Variants in UNC13C observed in about 807,000 individuals in gnomAD.
The protein encoded by UNC13C is protein unc-13 homolog C.
In UNC13C, 174 loss-of-function variants were observed where a neutral mutation model predicts 245.4. The ratio of observed to expected loss-of-function variants is 0.71; its 90% CI spans 0.63 to 0.80. The LOEUF is 0.80. UNC13C is among the 30% of genes least tolerant of loss of function. The pLI is 0.00. For synonymous variants in UNC13C, 992 were observed against 895.1 expected (o/e 1.11, Z -1.93); for missense variants, 2,829 against 2,602.9 (o/e 1.09, Z -1.89).
intron 10 of UNC13C, among the ~76,000 whole-genome samples, chr15:54,277,343 A>G (rs1274777582): frequency 6.6e-6 from 1 of 152,210 alleles, no homozygotes; most frequent in African/African-American, 2.4e-5. Flanking sequence ...TAGTTAAAGC[A>G]CTAAAATAAG....
At chr15:54,568,176 T>C (rs992954467) in intron 30 of UNC13C, among the ~76,000 whole-genome samples, 1 of 152,078 alleles carries the variant, frequency 6.6e-6, no homozygotes, top group Non-Finnish European at 1.5e-5. Flanking sequence ...TAAAGCTCTA[T>C]GGAATGGCTG....
chr15:54,068,739 T>G (rs1470958047), intron 2 of UNC13C, among the ~76,000 whole-genome samples: 1 of 152,202 alleles, frequency 6.6e-6, no homozygotes, highest in Admixed American at 6.5e-5. Context: ...ATACCATGGA[T>G]GAACACATAG....
At chr15:54,160,125 C>G (rs968918096) in intron 4 of UNC13C, among the ~76,000 whole-genome samples, 1 of 151,866 alleles carries the variant, frequency 6.6e-6, no homozygotes, top group East Asian at 1.9e-4. Flanking sequence ...CAAAAAAGGA[C>G]ATAGAAGCTA....
the UNC13C span, among the ~76,000 whole-genome samples, chr15:53,852,683 A>G: frequency 6.6e-6 from 1 of 152,164 alleles, no homozygotes. Context: ...AACAATTACA[A>G]AGTTTACCAT....
chr15:54,014,777 T>C lies in UNC13C; in HGVS notation c.1874T>C (p.Val625Ala). The C allele has an allele frequency of 6.2e-7, 1 of 1,613,696 alleles. No individual in the cohort carries two copies. ...ACTGAAACTGAAAACACAGAAACTGTGGATAGTGGAATGAGTAATGGCATG... is the reference window on the plus strand; with the variant it reads ...ACTGAAACTGAAAACACAGAAACTGCGGATAGTGGAATGAGTAATGGCATG... Reference protein sequence around the residue: ...GQTETENTETVDSGMSNGMVC... With the variant: ...GQTETENTETADSGMSNGMVC... The change falls in exon 2 of 33, where the codon GTG (valine) becomes GCG (alanine). Residue 625 changes from valine (V) to alanine (A), a missense_variant. Val to Ala is a moderately conservative substitution (Grantham distance 64, BLOSUM62 0). Coordinates refer to ENST00000260323, the MANE Select transcript of UNC13C (RefSeq NM_001080534.3).
chr15:54,209,458 G>A (rs1157108701), intron 4 of UNC13C, among the ~76,000 whole-genome samples: 1 of 151,770 alleles, frequency 6.6e-6, no homozygotes, highest in Non-Finnish European at 1.5e-5. Flanking sequence ...GTCACTCAGG[G>A]CTGGAGTACA....
intron 1 of UNC13C, among the ~76,000 whole-genome samples, chr15:53,997,299 A>C (rs1295575236): frequency 6.6e-6 from 1 of 152,110 alleles, no homozygotes; most frequent in Non-Finnish European, 1.5e-5. Context: ...GTGTGTGTGC[A>C]TGCATGTGAG....
intron 18 of UNC13C, among the ~76,000 whole-genome samples, chr15:54,401,620 G>A (rs2040186527): frequency 6.6e-6 from 1 of 152,166 alleles, no homozygotes; most frequent in South Asian, 2.1e-4. Context: ...CGCGTCGAGA[G>A]AGAAGAAGGT....
At chr15:54,137,756 T>C (rs1164584357) in intron 2 of UNC13C, among the ~76,000 whole-genome samples, 2 of 152,158 alleles carry the variant, frequency 1.3e-5, no homozygotes, top group Non-Finnish European at 2.9e-5. Flanking sequence ...ATTTTGTTTA[T>C]ATTTTCAAAA....
intron 30 of UNC13C, among the ~76,000 whole-genome samples, chr15:54,617,363 G>T (rs1357880463): frequency 6.6e-6 from 1 of 151,988 alleles, no homozygotes; most frequent in African/African-American, 2.4e-5. Context: ...AAAAGTGGAG[G>T]GGCAGGGAGG....
upstream of UNC13C, among the ~76,000 whole-genome samples, chr15:53,976,554 C>A (rs898375750): frequency 7.2e-6 from 1 of 139,590 alleles, no homozygotes; most frequent in Non-Finnish European, 1.5e-5. Flanking sequence ...TCACTACAAC[C>A]TCCGCCTTCC....
At chr15:54,491,190 T>G (rs892235633) in intron 19 of UNC13C, among the ~76,000 whole-genome samples, 4 of 152,244 alleles carry the variant, frequency 2.6e-5, no homozygotes, top group Non-Finnish European at 4.4e-5. Context: ...ATTCTCTTCA[T>G]GTACAAATGC....
chr15:54,031,947 G>A (rs1048534227), intron 2 of UNC13C, among the ~76,000 whole-genome samples: 14 of 151,900 alleles, frequency 9.2e-5, no homozygotes, highest in African/African-American at 3.1e-4. Context: ...TTTTCCACAG[G>A]GCTTGATCTT....
chr15:54,452,902 A>G (rs1891258726), intron 19 of UNC13C, among the ~76,000 whole-genome samples: 1 of 152,146 alleles, frequency 6.6e-6, no homozygotes, highest in Non-Finnish European at 1.5e-5. Context: ...AGTGGCTCAC[A>G]TTTAGCCCAG....
chr15:54,256,933 G>T (rs369412313), intron 8 of UNC13C, among the ~76,000 whole-genome samples: 9 of 152,224 alleles, frequency 5.9e-5, no homozygotes, highest in East Asian at 5.8e-4. Flanking sequence ...ACTGTTGCAG[G>T]GTGACCACGT....
intron 1 of UNC13C, among the ~76,000 whole-genome samples, chr15:54,010,188 TG>T (rs1895319223): frequency 6.6e-6 from 1 of 152,214 alleles, no homozygotes; most frequent in Non-Finnish European, 1.5e-5. Context: ...TTCATTTACA[TG>T]ATCACCTATC....
intron 2 of UNC13C, among the ~76,000 whole-genome samples, chr15:54,074,595 C>G (rs537734195): frequency 6.6e-6 from 1 of 152,308 alleles, no homozygotes; most frequent in African/African-American, 2.4e-5. Context: ...AGGTCTTTCA[C>G]ATCCCTTGTA....
At chr15:54,285,659 C>A (rs1025923573) in intron 10 of UNC13C, among the ~76,000 whole-genome samples, 3 of 152,006 alleles carry the variant, frequency 2.0e-5, no homozygotes, top group African/African-American at 7.3e-5. Context: ...GCCTTCCAGG[C>A]CGAGCTAGAA....
At chr15:54,313,011 A>G (rs1025079760) in intron 13 of UNC13C, among the ~76,000 whole-genome samples, 1 of 151,688 alleles carries the variant, frequency 6.6e-6, no homozygotes, top group African/African-American at 2.4e-5. Context: ...GGAAGTTTCC[A>G]TGGGATGCTT....
Sources: gnomAD v4.1 joint callset for allele counts (sites outside exome capture counted in the v4.1 genomes callset) on GRCh38, gnomAD v4.1.1 for gene constraint, MANE v1.5 for transcripts, NCBI Gene and HGNC (gene_info 2026-07-23, HGNC 2026-07-21) for gene names.